IL2RB: variants seen among roughly 807,000 people sequenced by gnomAD.
The protein encoded by IL2RB is interleukin-2 receptor subunit beta.
Under a neutral mutation model 44.2 loss-of-function variants are expected in IL2RB, and 17 were observed. The ratio of observed to expected loss-of-function variants is 0.38; its 90% CI spans 0.26 to 0.58. The LOEUF is 0.58. Ranked by LOEUF, IL2RB falls within the 20% of genes least tolerant of loss-of-function variation. IL2RB has a pLI of 0.63. For missense variants in IL2RB, 624 were observed against 685.5 expected (o/e 0.91, Z 1.00); for synonymous variants, 286 against 297.9 (o/e 0.96, Z 0.41).
intron 8 of IL2RB, 80 bp from the exon 9 acceptor site, chr22:37,132,548 G>C (rs936738973): frequency 5.0e-6 from 5 of 1,001,422 alleles, no homozygotes; most frequent in African/African-American, 4.8e-5. Flanking sequence ...CACAGCTCTG[G>C]ATGCCAGGCA....
intron 1 of IL2RB, among the ~76,000 whole-genome samples, chr22:37,147,810 TGG>T (rs1422499721): frequency 6.6e-6 from 1 of 152,146 alleles, no homozygotes; most frequent in Non-Finnish European, 1.5e-5. Context: ...CTCCCCAGGG[TGG>T]GGGCTGCTCA....
intron 1 of IL2RB, among the ~76,000 whole-genome samples, chr22:37,170,653 T>C (rs957586639): frequency 6.6e-6 from 1 of 152,158 alleles, no homozygotes; most frequent in Non-Finnish European, 1.5e-5. Flanking sequence ...TTTGGGGTTC[T>C]CCACCACGCA....
chr22:37,129,993 G>T (rs1921342135), intron 9 of IL2RB, among the ~76,000 whole-genome samples: 2 of 152,234 alleles, frequency 1.3e-5, no homozygotes, highest in Admixed American at 1.3e-4. Context: ...CCTCTCCAGG[G>T]AGAGTCCCTG....
chr22:37,128,174 A>G lies in IL2RB; in HGVS notation c.1578T>C (p.Asn526=). 1 of 1,559,368 alleles carries G rather than the reference A, an allele frequency of 6.4e-7. No homozygotes were observed. The highest frequency in any genetic ancestry group is 8.6e-7 in the Non-Finnish European group (1 of 1,158,182). The change falls in exon 10 of 10, where the codon AAT becomes AAC. Residue 526 remains asparagine, a synonymous_variant. Transcript: ENST00000216223. The surrounding 1 kb of genome is among the most constrained non-coding windows in gnomAD (Gnocchi z 4.5). ...PPGQGEFRAL[N]ARLPLNTDAY... The stretch of plus-strand genomic sequence containing the variant: ...CATCAGTGTTCAGGGGCAGGCGAGC[A>G]TTAAGGGCCCTGAACTCCCCCTGCC...
chr22:37,174,000 C>A (rs1923370271), intron 1 of IL2RB, among the ~76,000 whole-genome samples: 1 of 152,204 alleles, frequency 6.6e-6, no homozygotes, highest in Admixed American at 6.5e-5. Context: ...ACTGGACTCT[C>A]AACAGCTTCT....
At chr22:37,134,085 G>A (rs565309404) in intron 8 of IL2RB, among the ~76,000 whole-genome samples, 2 of 151,960 alleles carry the variant, frequency 1.3e-5, no homozygotes, top group Admixed American at 6.6e-5. Flanking sequence ...AGGATCCGTG[G>A]GTTCTGCACT....
chr22:37,143,405 G>A (rs1352337352), intron 3 of IL2RB, 116 bp downstream of exon 3: 1 of 671,842 alleles, frequency 1.5e-6, no homozygotes, highest in African/African-American at 1.8e-5. Context: ...CAAAAAGTCT[G>A]TGGGTCCCAT....
intron 8 of IL2RB, 107 bp downstream of exon 8, chr22:37,135,217 AGTGT>A (rs3830742): frequency 3.9e-5 from 26 of 675,246 alleles, no homozygotes; most frequent in Middle Eastern, 2.6e-4. Context: ...TGTTCATGTA[AGTGT>A]GTGTGTGTGT....
At chr22:37,137,505 C>T (rs1921765046) in intron 6 of IL2RB, 82 bp downstream of exon 6, 14 of 1,479,748 alleles carry the variant, frequency 9.5e-6, no homozygotes, top group South Asian at 3.7e-5. Flanking sequence ...GAGGGGACCT[C>T]GACACAATGA....
At chr22:37,150,449 T>C (rs571358173), upstream of IL2RB, among the ~76,000 whole-genome samples, 3 of 152,246 alleles carry the variant, frequency 2.0e-5, no homozygotes, top group African/African-American at 7.2e-5. Context: ...GTTTTTAATT[T>C]TGTGGGCATG....
At chr22:37,164,082 C>T (rs9607419) in intron 1 of IL2RB, among the ~76,000 whole-genome samples, 1,686 of 152,332 alleles carry the variant, frequency 0.011, 13 homozygotes, top group South Asian at 0.042. Flanking sequence ...CTGTATCACA[C>T]GTGAGGGTGC....
rs371257848 is a variant in IL2RB at position 37,143,642 on chromosome 22, G to A, written c.89-7C>T. The A allele has an allele frequency of 1.4e-5, 23 of 1,600,108 alleles. No individual in the cohort carries two copies. The highest frequency in any genetic ancestry group is 2.2e-5 in the East Asian group (1 of 44,822). ...CATGTGAACTGGGAAGTGCCTGCCG[G>A]GCAAGATGAGGTGTGAGTGCTGACT... On this transcript the variant is annotated splice_region_variant and splice_polypyrimidine_tract_variant and intron_variant, in intron 2 of 9. Coordinates refer to ENST00000216223, the MANE Select transcript of IL2RB (RefSeq NM_000878.5).
chr22:37,130,211 C>A (rs953756843), intron 9 of IL2RB, among the ~76,000 whole-genome samples: 2 of 152,216 alleles, frequency 1.3e-5, no homozygotes, highest in Non-Finnish European at 2.9e-5. Flanking sequence ...AAGCACTGGT[C>A]GGGTGAGATT....
intron 5 of IL2RB, 129 bp from the exon 6 acceptor site, chr22:37,137,864 G>A (rs942673877): frequency 3.6e-5 from 27 of 748,452 alleles, no homozygotes; most frequent in Non-Finnish European, 4.8e-5. Flanking sequence ...CCCAGGACCC[G>A]CTCCCTCACT....
chr22:37,152,725 C>T (rs1348130089), upstream of IL2RB, among the ~76,000 whole-genome samples: 1 of 151,914 alleles, frequency 6.6e-6, no homozygotes, highest in Non-Finnish European at 1.5e-5. Flanking sequence ...AGAAGGGTGG[C>T]GTGGGAGCTC....
chr22:37,140,362 C>CA (rs1921906012), intron 4 of IL2RB, among the ~76,000 whole-genome samples: 1 of 151,586 alleles, frequency 6.6e-6, no homozygotes, highest in Admixed American at 6.6e-5. Context: ...GCCAATCATA[C>CA]ATTCGCGTGA....
intron 1 of IL2RB, among the ~76,000 whole-genome samples, chr22:37,146,580 G>T (rs1268898109): frequency 6.6e-6 from 1 of 152,186 alleles, no homozygotes; most frequent in Non-Finnish European, 1.5e-5. Flanking sequence ...TTTCAAACGG[G>T]CCCTCATGCC....
chr22:37,164,561 G>C (rs1923002332), intron 1 of IL2RB, among the ~76,000 whole-genome samples: 1 of 152,096 alleles, frequency 6.6e-6, no homozygotes, highest in Non-Finnish European at 1.5e-5. Context: ...ACCAAGCCTG[G>C]ACATTCAGGT....
rs141159874 is a variant in IL2RB, at chr22:37,128,734, G to T, written c.1018C>A (p.Gln340Lys). The T allele has an allele frequency of 1.2e-5, 20 of 1,614,022 alleles. No individual in the cohort carries two copies. Among genetic ancestry groups the T allele is most frequent in the Admixed American group, 1.7e-5 (1 of 59,998 alleles). ...GATGCGGGCTCAGGCACCTTGTCCTGCTGCAGGAGCAGCTGCGTCACCTTG... is the reference window on the plus strand; with the variant it reads ...GATGCGGGCTCAGGCACCTTGTCCTTCTGCAGGAGCAGCTGCGTCACCTTG... ...RDKVTQLLLQ[Q>K]DKVPEPASLS... Residue 340 changes from glutamine (Q) to lysine (K), a missense_variant, in exon 10 of 10, where the codon CAG becomes AAG. By Grantham distance (53) the Gln-to-Lys change is moderately conservative. Transcript: ENST00000216223. The surrounding 1 kb of genome is among the most constrained non-coding windows in gnomAD (Gnocchi z 4.5).
Sources: allele counts gnomAD v4.1 joint callset (sites outside exome capture counted in the v4.1 genomes callset), GRCh38; gene constraint gnomAD v4.1.1; non-coding constraint Gnocchi (gnomAD v3.1); transcripts MANE v1.5; gene names NCBI Gene and HGNC (gene_info 2026-07-23, HGNC 2026-07-21).